Variants in TBCD observed in about 807,000 individuals in gnomAD.
TBCD encodes the protein tubulin folding cofactor D, also known as tubulin-specific chaperone D.
Under a neutral mutation model 169.3 loss-of-function variants are expected in TBCD, and 105 were observed. The ratio of observed to expected loss-of-function variants is 0.62; its 90% CI spans 0.53 to 0.73. TBCD has a LOEUF of 0.73. Among genes scored for constraint, TBCD ranks in the 30% least tolerant of loss-of-function variants. The pLI, the probability that TBCD is intolerant of heterozygous loss-of-function variation, is 0.00. For missense variants in TBCD, 1,444 were observed against 1,600.1 expected, an observed-to-expected ratio of 0.90 and a Z score of 1.66; for synonymous variants, 700 against 643.9, an observed-to-expected ratio of 1.09 and a Z score of -1.32.
intron 14 of TBCD, among the ~76,000 whole-genome samples, chr17:82,871,605 G>A (rs1182786845): frequency 6.6e-6 from 1 of 152,252 alleles, no homozygotes; most frequent in East Asian, 1.9e-4. Context: ...GGGGTCATGG[G>A]ATGCAGCGTC....
chr17:82,925,021 C>A lies in TBCD; in HGVS notation c.2343C>A (p.Ala781=). The change falls in exon 27 of 39, where the codon GCC becomes GCA. Residue 781 remains alanine, a synonymous_variant. Coordinates refer to ENST00000355528, the MANE Select transcript of TBCD (RefSeq NM_005993.5). ...TRCGFSLALG[A]LPGFLLKGRL... ...GTGGCTTCTCGTTGGCCTTGGGCGC[C>A]CTTCCAGGCTTCCTTCTGAAAGGCC... is the stretch of plus-strand genomic sequence containing the variant. The A allele has an allele frequency of 6.4e-7, 1 of 1,568,026 alleles. No individual in the cohort carries two copies.
In TBCD at chr17:82,915,138, C is replaced by T. The variant is rs540620599; in HGVS notation, c.2038+3349C>T. On this transcript the variant is annotated intron_variant, in intron 23 of 38. Transcript: ENST00000355528. The surrounding 1 kb of genome is among the most constrained non-coding windows in gnomAD (Gnocchi z 4.3). The stretch of plus-strand genomic sequence containing the variant: ...GGGTTCACGGGCTACATGTGGGAGA[C>T]GGGGAGGGGCTGCTGGTCACTTTCT... Among the ~76,000 whole-genome samples, 23 of 152,188 alleles carry T rather than the reference C, an allele frequency of 1.5e-4. No homozygotes were observed. Among genetic ancestry groups the T allele is most frequent in the African/African-American group, 4.3e-4 (18 of 41,524 alleles).
At position 82,884,146 on chromosome 17, in the gene TBCD, G is replaced by A. The variant is rs369830144; in HGVS notation, c.1477G>A (p.Ala493Thr). Residue 493 changes from alanine to threonine, a missense_variant and splice_region_variant, in exon 15 of 39, where the codon GCA becomes ACA. By Grantham distance (58) the Ala-to-Thr change is moderately conservative (BLOSUM62 0). Transcript: ENST00000355528. This position sits in a 1 kb window ranked among gnomAD's most constrained non-coding sequence, Gnocchi z 4.2. The stretch of plus-strand genomic sequence containing the variant: ...ATTAATCCTTTCTCTTTTTCACAGT[G>A]CACTGGTGATTGCTGCGGTGTTTGA... Reference protein sequence around the residue: ...LKPFVTAISSALVIAAVFDRD... With the variant: ...LKPFVTAISSTLVIAAVFDRD... The A allele has an allele frequency of 5.6e-6, 9 of 1,608,404 alleles. No homozygotes were observed. The African/African-American group carries it at 1.1e-4, about 19-fold the overall frequency.
At chr17:82,941,671 GCCC>G in intron 38 of TBCD, 188 bp downstream of exon 38, 1 of 592,466 alleles carries the variant, frequency 1.7e-6, no homozygotes, top group Non-Finnish European at 2.9e-6. Flanking sequence ...ACACCTGTGG[GCCC>G]CTGTGGCATC....
At chr17:82,764,551 G>A (rs1303712439) in intron 3 of TBCD, among the ~76,000 whole-genome samples, 1 of 152,106 alleles carries the variant, frequency 6.6e-6, no homozygotes. Flanking sequence ...AGGCTGAGGC[G>A]GGAGAATGGC....
At chr17:82,872,473 C>G (rs964255145) in intron 14 of TBCD, among the ~76,000 whole-genome samples, 9 of 152,298 alleles carry the variant, frequency 5.9e-5, no homozygotes, top group Admixed American at 5.2e-4. Context: ...GCTTTAGGCC[C>G]CTGCCGAGCT....
chr17:82,839,360 T>TAA (rs2054264507), intron 13 of TBCD, among the ~76,000 whole-genome samples: 1 of 151,542 alleles, frequency 6.6e-6, no homozygotes, highest in East Asian at 1.9e-4. Context: ...CACATATATA[T>TAA]AACCCTAAAT....
In TBCD at chr17:82,862,512, G is replaced by T. The variant is rs543816718; in HGVS notation, c.1319-7712G>T. Among the ~76,000 whole-genome samples, 104 of 152,228 alleles carry T rather than the reference G, an allele frequency of 6.8e-4. 1 individual carries two copies. Among genetic ancestry groups the T allele is most frequent in the African/African-American group, 2.4e-3 (101 of 41,542 alleles). ...GCAGTTTGGGTGAATAATGTGTGAT[G>T]AGGCCTAAGAGGAGATTTATAAAGA... is the stretch of plus-strand genomic sequence containing the variant. On this transcript the variant is annotated intron_variant, in intron 13 of 38. Transcript: ENST00000355528.
chr17:82,757,342 T>TG (rs2047455249), intron 2 of TBCD, among the ~76,000 whole-genome samples: 1 of 151,928 alleles, frequency 6.6e-6, no homozygotes, highest in South Asian at 2.1e-4. Context: ...AGATTTTGGC[T>TG]GGGGGTGGTG....
At chr17:82,768,351 G>T in intron 4 of TBCD, 69 bp from the exon 5 acceptor site, 3 of 1,587,874 alleles carry the variant, frequency 1.9e-6, no homozygotes, top group Non-Finnish European at 2.6e-6. Flanking sequence ...CAGTGACTTT[G>T]AGTAGATTGT....
At chr17:82,871,234 C>CAG (rs35776652) in intron 14 of TBCD, among the ~76,000 whole-genome samples, 151,361 of 152,312 alleles carry the variant, frequency 0.99, 75,215 homozygotes, top group East Asian at 1. Context: ...ACATGCAAAA[C>CAG]ATGTGTCCCC....
At chr17:82,924,878 G>C (rs2061625252) in intron 26 of TBCD, 61 bp from the exon 27 acceptor site, 1 of 1,366,000 alleles carries the variant, frequency 7.3e-7, no homozygotes. Context: ...GCACACGTCG[G>C]GTGTGGCTGT....
chr17:82,870,117 C>T (rs1177617998), intron 13 of TBCD, 107 bp from the exon 14 acceptor site: 6 of 1,488,670 alleles, frequency 4.0e-6, no homozygotes, highest in African/African-American at 1.4e-5. Flanking sequence ...GTGCCTCACT[C>T]ATCTGGCACC....
intron 13 of TBCD, among the ~76,000 whole-genome samples, chr17:82,845,617 G>A (rs962921210): frequency 1.3e-5 from 2 of 151,960 alleles, no homozygotes; most frequent in Non-Finnish European, 2.9e-5. Context: ...CGTCCTGTCC[G>A]GCTCAGCCCT....
chr17:82,752,274 G>C lies in TBCD; in HGVS notation c.81G>C (p.Leu27=). The change falls in exon 1 of 39, where the codon CTG becomes CTC. Residue 27 remains leucine, a synonymous_variant. Coordinates refer to ENST00000355528, the MANE Select transcript of TBCD (RefSeq NM_005993.5). ...AGACACTGGCCTTTGGCGCGGCGCT[G>C]GAAGCGTTCGGCGAGAGCGCGGAGA... ...EDETLAFGAA[L]EAFGESAETR... 6.6e-7 allele frequency: 1 copy of C among 1,517,162 alleles called. No individual in the cohort carries two copies. Among genetic ancestry groups the C allele is most frequent in the Non-Finnish European group, 8.8e-7 (1 of 1,138,150 alleles). The allele number at this position is 1,517,162 out of a possible 1,614,324, so 94.0% of individuals were successfully genotyped here. A position where few individuals can be genotyped will look rare whatever the true frequency, so the allele number is the denominator to read the frequency against.
In TBCD at chr17:82,889,944, CACATAAT is replaced by C. The variant is rs2059013862; in HGVS notation, c.1563+248_1563+254del. Among the ~76,000 whole-genome samples the C allele has an allele frequency of 2.6e-5, 4 of 152,362 alleles. No individual in the cohort carries two copies. Among genetic ancestry groups the C allele is most frequent in the Admixed American group, 2.6e-4 (4 of 15,304 alleles). On this transcript the variant is annotated intron_variant, in intron 16 of 38. Coordinates refer to ENST00000355528, the MANE Select transcript of TBCD (RefSeq NM_005993.5). The surrounding 1 kb of genome is among the most constrained non-coding windows in gnomAD (Gnocchi z 5.3). ...CTGTGCTTTACACGTTGCCAAGAGC[CACATAAT>C]GTGGCTCTGCAGGGTGGGGCGGGTC... is the stretch of plus-strand genomic sequence containing the variant.
intron 1 of TBCD, among the ~76,000 whole-genome samples, chr17:82,752,741 C>T (rs1474184088): frequency 2.0e-5 from 3 of 152,190 alleles, no homozygotes; most frequent in African/African-American, 7.2e-5. Flanking sequence ...GGGCCAGACC[C>T]CTCCGGACAG....
chr17:82,761,366 T>C (rs567729767), intron 2 of TBCD, among the ~76,000 whole-genome samples: 3 of 152,314 alleles, frequency 2.0e-5, no homozygotes, highest in Admixed American at 6.5e-5. Context: ...GAACATTTTA[T>C]TGAGTTTTAA....
chr17:82,936,331 G>C (rs1048661975), intron 34 of TBCD, among the ~76,000 whole-genome samples: 2 of 152,104 alleles, frequency 1.3e-5, no homozygotes, highest in African/African-American at 4.8e-5. Flanking sequence ...TTTTTGTCTC[G>C]CGTGTTTCCA....
Sources: gnomAD v4.1 joint callset for allele counts (sites outside exome capture counted in the v4.1 genomes callset) on GRCh38, gnomAD v4.1.1 for gene constraint, Gnocchi (gnomAD v3.1) non-coding constraint, MANE v1.5 for transcripts, NCBI Gene and HGNC (gene_info 2026-07-23, HGNC 2026-07-21) for gene names.